The following PKM variants were observed in gnomAD, a reference collection of about 807,000 sequenced individuals.
PKM encodes pyruvate kinase M1/2, also known as pyruvate kinase PKM.
In PKM, 18 loss-of-function variants were observed where a neutral mutation model predicts 49.8. The observed-to-expected ratio is 0.36, with a 90% CI of 0.25 to 0.54. The LOEUF (loss-of-function observed/expected upper bound fraction) is 0.54. PKM is among the 20% of genes least tolerant of loss of function. The pLI is 0.89. For synonymous variants in PKM, 239 were observed against 261.8 expected (o/e 0.91, Z 0.84); for missense variants, 508 against 713.8 (o/e 0.71, Z 3.28).
At chr15:72,205,324 C>G (rs1204766592) in intron 8 of PKM, among the ~76,000 whole-genome samples, 1 of 152,126 alleles carries the variant, frequency 6.6e-6, no homozygotes, top group African/African-American at 2.4e-5. Context: ...AGGGTTTCAC[C>G]AGGTTGCCCA....
At position 72,199,735 on chromosome 15, in the gene PKM, T is replaced by C. The variant is rs747511396; in HGVS notation, c.1511A>G (p.Lys504Arg). ...MNVGKARGFF[K>R]KGDVVIVLTG... ...CAGCACAATGACCACATCTCCCTTC[T>C]TGAAGAAGCCTCGGGCCTTGCCTGG... Residue 504 changes from lysine to arginine, a missense_variant, in exon 11 of 11, where the codon AAG becomes AGG. Lys to Arg is a conservative substitution (Grantham distance 26). Transcript: ENST00000335181. The C allele has an allele frequency of 2.0e-5, 32 of 1,613,780 alleles. No individual in the cohort carries two copies. The highest frequency in any genetic ancestry group is 1.6e-4 in the Middle Eastern group (1 of 6,082).
rs2082855568 is a variant in PKM, at chr15:72,231,100, C to T, written c.-14+16G>A. ...CCTTGGTGGGGACTGATGGCGTAGC[C>T]TCCTGCACCGCTCACCTCCGGCGCT... is the stretch of plus-strand genomic sequence containing the variant. On this transcript the variant is annotated intron_variant, in intron 1 of 10. Transcript: ENST00000335181. The T allele has an allele frequency of 2.4e-6, 1 of 420,276 alleles. No homozygotes were observed. Among genetic ancestry groups the T allele is most frequent in the Admixed American group, 3.3e-5 (1 of 29,990 alleles). The allele number at this position is 420,276 out of a possible 1,614,324, so 26.0% of individuals were successfully genotyped here.
In PKM at chr15:72,202,786, C is replaced by T; in HGVS notation, c.1141-166G>A. On this transcript the variant is annotated intron_variant, in intron 8 of 10. Transcript: ENST00000335181. This position sits in a 1 kb window ranked among gnomAD's most constrained non-coding sequence, Gnocchi z 4.5. ...CAATCACTGGAGATTCTGAGCTGAGCCAAGATCAAGACTCCACAGAAACCA... is the reference window on the plus strand; with the variant it reads ...CAATCACTGGAGATTCTGAGCTGAGTCAAGATCAAGACTCCACAGAAACCA... The T allele has an allele frequency of 1.4e-6, 1 of 728,444 alleles. No homozygotes were observed. Among genetic ancestry groups the T allele is most frequent in the South Asian group, 1.7e-5 (1 of 59,940 alleles). The allele number at this position is 728,444 out of a possible 1,614,324, so 45.1% of individuals were successfully genotyped here.
At chr15:72,210,065 G>A (rs1016609996) in intron 4 of PKM, 3 of 632,658 alleles carry the variant, frequency 4.7e-6, no homozygotes, top group Non-Finnish European at 8.4e-6. Context: ...GCTACTTAAT[G>A]ATGGGGAAAA....
At position 72,206,731 on chromosome 15, in the gene PKM, G is replaced by A; in HGVS notation, c.1137C>T (p.His379=). ...TGGGGCAGGCCCCAGAACTCACCAG[G>A]TGCTGCATGCGCACAGCCTCCAGAG... ...DYPLEAVRMQ[H]LIAREAEAAI... is the part of the protein sequence containing the mutation. The change falls in exon 8 of 11, where the codon CAC becomes CAT. Residue 379 remains histidine, a synonymous_variant. Transcript: ENST00000335181. The A allele has an allele frequency of 1.2e-6, 2 of 1,612,842 alleles. No homozygotes were observed. Among genetic ancestry groups the A allele is most frequent in the Non-Finnish European group, 1.7e-6 (2 of 1,180,012 alleles).
intron 1 of PKM, among the ~76,000 whole-genome samples, chr15:72,230,365 G>C (rs1471019309): frequency 1.3e-5 from 2 of 152,218 alleles, no homozygotes; most frequent in Non-Finnish European, 2.9e-5. Context: ...CGGACACGGG[G>C]CCTCAGCACC....
In PKM at chr15:72,208,995, A is replaced by G; in HGVS notation, c.566-104T>C. 5 of 1,259,542 alleles carry G rather than the reference A, an allele frequency of 4.0e-6. No homozygotes were observed. In the South Asian group the frequency reaches 5.1e-5, roughly 13 times the overall value. The allele number at this position is 1,259,542 out of a possible 1,614,324, so 78.0% of individuals were successfully genotyped here. The stretch of plus-strand genomic sequence containing the variant: ...ACAGTGAGCTGGGAAGTGGTGCATT[A>G]TGGGTGCTGGAGCTGTTTTACCAGA... On this transcript the variant is annotated intron_variant, in intron 5 of 10. Coordinates refer to ENST00000335181, the MANE Select transcript of PKM (RefSeq NM_002654.6).
At position 72,212,747 on chromosome 15, in the gene PKM, T is replaced by A. The variant is rs149055434; in HGVS notation, c.247-2269A>T. Reference sequence around the variant, plus strand: ...CAATGCTGTCCTGCGGAAGGCTCTATATTTAGCTATATTTAGGTTGTTTAA... The same window carrying A: ...CAATGCTGTCCTGCGGAAGGCTCTAAATTTAGCTATATTTAGGTTGTTTAA... On this transcript the variant is annotated intron_variant, in intron 3 of 10. Coordinates refer to ENST00000335181, the MANE Select transcript of PKM (RefSeq NM_002654.6). 6.4e-3 allele frequency among the ~76,000 whole-genome samples: 981 copies of A among 152,266 alleles called. 8 individuals carry two copies. The highest frequency in any genetic ancestry group is 0.011 in the Non-Finnish European group (748 of 68,014).
chr15:72,204,029 G>T (rs896146503), intron 8 of PKM: 1 of 152,168 alleles, frequency 6.6e-6, no homozygotes, highest in African/African-American at 2.4e-5. Context: ...GGGAAGAATC[G>T]GTAATACCCC....
At chr15:72,219,398 G>A (rs2082464245) in intron 1 of PKM, 1 of 296,856 alleles carries the variant, frequency 3.4e-6, no homozygotes, top group African/African-American at 2.1e-5. Context: ...ACACTGGGCT[G>A]ACTGACATCT....
Position 72,207,163 on chromosome 15 carries a change from G to A in PKM, c.951C>T (p.Cys317=). 2 of 1,614,040 alleles carry A rather than the reference G, an allele frequency of 1.2e-6. No individual in the cohort carries two copies. The highest frequency in any genetic ancestry group is 1.7e-6 in the Non-Finnish European group (2 of 1,180,010). ...AGATGACAGGCTTCCCAGCTCGGTTGCACCGTCCAATCATCATCTTCTGAG... is the reference window on the plus strand; with the variant it reads ...AGATGACAGGCTTCCCAGCTCGGTTACACCGTCCAATCATCATCTTCTGAG... ...FLAQKMMIGR[C]NRAGKPVICA... The change falls in exon 7 of 11, where the codon TGC becomes TGT. Residue 317 remains cysteine, a synonymous_variant. Coordinates refer to ENST00000335181, the MANE Select transcript of PKM (RefSeq NM_002654.6).
intron 1 of PKM, among the ~76,000 whole-genome samples, chr15:72,224,470 G>A (rs1386789936): frequency 6.6e-6 from 1 of 152,100 alleles, no homozygotes; most frequent in Non-Finnish European, 1.5e-5. Flanking sequence ...ACTATGACTG[G>A]TCTTCCTACG....
rs2081964328 is a variant in PKM, at chr15:72,202,303, T to G, written c.1307+151A>C. ...TTTGGGCCCAGGGAAGGGGCTCTGC[T>G]CAATCCTTCCCTGCAGGCCCAAGGT... On this transcript the variant is annotated intron_variant, in intron 9 of 10. Coordinates refer to ENST00000335181, the MANE Select transcript of PKM (RefSeq NM_002654.6). The surrounding 1 kb of genome is among the most constrained non-coding windows in gnomAD (Gnocchi z 4.5). 1.3e-6 allele frequency: 1 copy of G among 775,054 alleles called. No homozygotes were observed. The highest frequency in any genetic ancestry group is 2.7e-5 in the East Asian group (1 of 37,314). The allele number at this position is 775,054 out of a possible 1,614,324, so 48.0% of individuals were successfully genotyped here. A position where few individuals can be genotyped will look rare whatever the true frequency, so the allele number is the denominator to read the frequency against.
chr15:72,209,510 T>C, intron 5 of PKM, 163 bp downstream of exon 5: 1 of 638,408 alleles, frequency 1.6e-6, no homozygotes, highest in Non-Finnish European at 2.9e-6. Flanking sequence ...CTATGCTGGA[T>C]TAAAGCCTAT....
Position 72,200,523 on chromosome 15 carries a change from C to T in PKM, c.1440G>A (p.Glu480=). The change falls in exon 10 of 11, where the codon GAG becomes GAA. Residue 480 remains glutamate, a synonymous_variant. Coordinates refer to ENST00000335181, the MANE Select transcript of PKM (RefSeq NM_002654.6). This position sits in a 1 kb window ranked among gnomAD's most constrained non-coding sequence, Gnocchi z 4.6. ...GGAGGTCCACGTCCTCAGCCCAGGCCTCCTGGACTGGGTCCTTGCACAGCA... is the reference window on the plus strand; with the variant it reads ...GGAGGTCCACGTCCTCAGCCCAGGCTTCCTGGACTGGGTCCTTGCACAGCA... ...FPVLCKDPVQ[E]AWAEDVDLRV... is the part of the protein sequence containing the mutation. 6.2e-7 allele frequency: 1 copy of T among 1,613,936 alleles called. No homozygotes were observed. Among genetic ancestry groups the T allele is most frequent in the Non-Finnish European group, 8.5e-7 (1 of 1,179,894 alleles).
At chr15:72,227,510 C>T (rs989669569) in intron 1 of PKM, among the ~76,000 whole-genome samples, 2 of 152,064 alleles carry the variant, frequency 1.3e-5, no homozygotes, top group Non-Finnish European at 2.9e-5. Flanking sequence ...TTTGGGAGGC[C>T]GAGGCCGGTG....
At chr15:72,228,755 T>G in intron 1 of PKM, 1 of 512,468 alleles carries the variant, frequency 2.0e-6, no homozygotes, top group South Asian at 1.8e-5. Context: ...CTAACAACGC[T>G]GCAGCAGGGG....
In PKM at chr15:72,225,678, G is replaced by A. The variant is rs77463760; in HGVS notation, c.-14+5438C>T. Among the ~76,000 whole-genome samples the A allele has an allele frequency of 3.9e-3, 587 of 152,198 alleles. 7 individuals are homozygous for A. Among genetic ancestry groups the A allele is most frequent in the East Asian group, 0.029 (153 of 5,188 alleles). ...CAGCACATTTAAGATCCATCCAGTG[G>A]GTATATGGATCTAGCTAATTCATTT... On this transcript the variant is annotated intron_variant, in intron 1 of 10. Coordinates refer to ENST00000335181, the MANE Select transcript of PKM (RefSeq NM_002654.6).
rs1056012679 is a variant in PKM, at chr15:72,231,141, C to T, written c.-39G>A. 5 of 323,546 alleles carry T rather than the reference C, an allele frequency of 1.5e-5. No homozygotes were observed. The highest frequency in any genetic ancestry group is 1.1e-4 in the African/African-American group (5 of 46,028). The allele number at this position is 323,546 out of a possible 1,614,324, so 20.0% of individuals were successfully genotyped here. ...CTCCGGCGCTGACCGACTCGGGCTA[C>T]GCTGCAAAGACGAAGAGATCCGGAG... On this transcript the variant is annotated 5_prime_UTR_variant, in exon 1 of 11. Coordinates refer to ENST00000335181, the MANE Select transcript of PKM (RefSeq NM_002654.6).
Sources: gnomAD v4.1 joint callset for allele counts (sites outside exome capture counted in the v4.1 genomes callset) on GRCh38, gnomAD v4.1.1 for gene constraint, Gnocchi (gnomAD v3.1) non-coding constraint, MANE v1.5 for transcripts, NCBI Gene and HGNC (gene_info 2026-07-23, HGNC 2026-07-21) for gene names.